The following SACS variants were observed in gnomAD, a reference collection of about 807,000 sequenced individuals.
The protein encoded by SACS is sacsin.
In SACS, 197 loss-of-function variants were observed where a neutral mutation model predicts 348.0. That is an observed-to-expected ratio of 0.57 (90% CI 0.50 to 0.64). The LOEUF (loss-of-function observed/expected upper bound fraction) is 0.64. Among genes scored for constraint, SACS ranks in the 30% least tolerant of loss-of-function variants. The pLI is 0.00. For missense variants in SACS, 4,999 were observed against 5,360.8 expected (o/e 0.93, Z 2.11); for synonymous variants, 1,985 against 1,910.6 (o/e 1.04, Z -1.02).
chr13:23,369,026 A>T (rs1871230948), intron 4 of SACS, among the ~76,000 whole-genome samples: 1 of 152,184 alleles, frequency 6.6e-6, no homozygotes, highest in Non-Finnish European at 1.5e-5. Context: ...ACTACAAATA[A>T]AGTCTCAAAA....
chr13:23,359,184 A>AAAAAAAG (rs1311000857), intron 6 of SACS, among the ~76,000 whole-genome samples: 1 of 152,218 alleles, frequency 6.6e-6, no homozygotes, highest in African/African-American at 2.4e-5. Context: ...TCCGTCTCAA[A>AAAAAAAG]AAAAAAGAAA....
rs140389098 is a variant in SACS, at chr13:23,401,763, G to A, written c.20+9457C>T. ...CCAGAAGCATCTGCAATCACAGGCC[G>A]AAGTGCTTGTCCTCACCAAAAAGGG... On this transcript the variant is annotated intron_variant, in intron 2 of 9. Transcript: ENST00000382292. Among the ~76,000 whole-genome samples the A allele has an allele frequency of 7.2e-5, 11 of 152,268 alleles. No individual in the cohort carries two copies. The East Asian group carries it at 1.5e-3, about 21-fold the overall frequency.
At chr13:23,392,529 A>T (rs760847676) in intron 2 of SACS, among the ~76,000 whole-genome samples, 3 of 152,212 alleles carry the variant, frequency 2.0e-5, no homozygotes, top group Non-Finnish European at 2.9e-5. Flanking sequence ...TCATAACAAC[A>T]ATGGTTGCCT....
At position 23,334,505 on chromosome 13, in the gene SACS, G is replaced by A. The variant is rs755645765; in HGVS notation, c.9371C>T (p.Thr3124Ile). 2 of 1,613,270 alleles carry A rather than the reference G, an allele frequency of 1.2e-6. No individual in the cohort carries two copies. The highest frequency in any genetic ancestry group is 1.7e-6 in the Non-Finnish European group (2 of 1,179,738). The change falls in exon 10 of 10, where the codon ACT (threonine) becomes ATT (isoleucine). Residue 3124 changes from threonine (T) to isoleucine (I), a missense_variant. This residue lies in a region of SACS where 734 missense variants were observed against 694.0 expected (regional missense o/e 1.06). Transcript: ENST00000382292. ...IGKLPCRLQQTNLKLFHSLKL... is the reference protein window; with the variant it reads ...IGKLPCRLQQINLKLFHSLKL... ...TAAACTATGAAAAAGTTTTAGATTAGTCTGCTGCAGACGACAAGGCAGCTT... is the reference window on the plus strand; with the variant it reads ...TAAACTATGAAAAAGTTTTAGATTAATCTGCTGCAGACGACAAGGCAGCTT...
intron 4 of SACS, among the ~76,000 whole-genome samples, chr13:23,370,083 C>T (rs961425447): frequency 2.6e-5 from 4 of 152,094 alleles, no homozygotes; most frequent in Non-Finnish European, 4.4e-5. Context: ...TGGTCTTGAT[C>T]TCCTGACCTC....
rs1883428700 is a variant in SACS, at chr13:23,330,958, G to C, written c.12918C>G (p.Ile4306Met). Residue 4306 changes from isoleucine to methionine, a missense_variant, in exon 10 of 10, where the codon ATC (isoleucine) becomes ATG (methionine). By Grantham distance (10) the Ile-to-Met change is conservative. This residue lies in a region of SACS where 831 missense variants were observed against 941.8 expected (regional missense o/e 0.88). Transcript: ENST00000382292. Reference sequence around the variant, plus strand: ...CCACCACAGATGTCACTTCTTTTAAGATTTCTGGTAAAGAATTAACCTTAA... The same window carrying C: ...CCACCACAGATGTCACTTCTTTTAACATTTCTGGTAAAGAATTAACCTTAA... ...KKLKVNSLPE[I>M]LKEVTSVVEQ... 2.5e-6 allele frequency: 4 copies of C among 1,614,092 alleles called. No homozygotes were observed. Among genetic ancestry groups the C allele is most frequent in the Non-Finnish European group, 3.4e-6 (4 of 1,179,984 alleles).
At chr13:23,342,121 T>C (rs548601279) in intron 9 of SACS, among the ~76,000 whole-genome samples, 1 of 152,254 alleles carries the variant, frequency 6.6e-6, no homozygotes, top group South Asian at 2.1e-4. Flanking sequence ...TGGAAGTACA[T>C]GTAAAAATTC....
intron 2 of SACS, among the ~76,000 whole-genome samples, chr13:23,379,785 C>T (rs9578586): frequency 0.53 from 80,421 of 151,836 alleles, 21,914 homozygotes; most frequent in African/African-American, 0.65. Flanking sequence ...AAGTGAGAGT[C>T]CTAAAGTCAA....
chr13:23,369,515 ACT>A (rs954058655), intron 4 of SACS, among the ~76,000 whole-genome samples: 1 of 150,972 alleles, frequency 6.6e-6, no homozygotes, highest in Non-Finnish European at 1.5e-5. Context: ...CTCAAACAAG[ACT>A]CTGTTTCCAC....
intron 2 of SACS, among the ~76,000 whole-genome samples, chr13:23,405,681 T>G (rs1353075631): frequency 5.9e-5 from 9 of 151,714 alleles, no homozygotes; most frequent in African/African-American, 2.2e-4. Flanking sequence ...TACAAGGAAC[T>G]TAAACAAATC....
chr13:23,426,435 G>T (rs1045302614), intron 1 of SACS, among the ~76,000 whole-genome samples: 2 of 152,158 alleles, frequency 1.3e-5, no homozygotes, highest in Admixed American at 1.3e-4. Flanking sequence ...GAGGTCAGGA[G>T]TTCAAGACCA....
rs768018553 is a variant in SACS at position 23,354,883 on chromosome 13, A to G, written c.1729T>C (p.Phe577Leu). ...TCTAAATTTTCATCAAGTTCTGAGAAGTACACCTGCTCCAACCTGACCCAG... is the reference window on the plus strand; with the variant it reads ...TCTAAATTTTCATCAAGTTCTGAGAGGTACACCTGCTCCAACCTGACCCAG... ...CDWVRLEQVY[F>L]SELDENLEYT... Residue 577 changes from phenylalanine to leucine, a missense_variant, in exon 8 of 10, where the codon TTC becomes CTC. Physicochemically the swap from Phe to Leu is conservative, Grantham distance 22. This residue lies in a region of SACS where 3,156 missense variants were observed against 3,380.1 expected (regional missense o/e 0.93). Coordinates refer to ENST00000382292, the MANE Select transcript of SACS (RefSeq NM_014363.6). The G allele has an allele frequency of 6.2e-7, 1 of 1,614,190 alleles. No homozygotes were observed. Among genetic ancestry groups the G allele is most frequent in the East Asian group, 2.2e-5 (1 of 44,884 alleles).
At chr13:23,387,197 C>G (rs1000492137) in intron 2 of SACS, among the ~76,000 whole-genome samples, 2 of 151,950 alleles carry the variant, frequency 1.3e-5, no homozygotes, top group African/African-American at 4.8e-5. Flanking sequence ...CGGTGGCTCA[C>G]GCCTGTAATC....
chr13:23,334,528 C>G lies in SACS; in HGVS notation c.9348G>C (p.Lys3116Asn). 1.2e-6 allele frequency: 2 copies of G among 1,613,434 alleles called. No individual in the cohort carries two copies. Among genetic ancestry groups the G allele is most frequent in the Non-Finnish European group, 1.7e-6 (2 of 1,179,744 alleles). ...SSPDTNCHIG[K>N]LPCRLQQTNL... ...TAGTCTGCTGCAGACGACAAGGCAG[C>G]TTCCCAATATGGCAATTAGTGTCAG... The change falls in exon 10 of 10, where the codon AAG (lysine) becomes AAC (asparagine). Residue 3116 changes from lysine (K) to asparagine (N), a missense_variant. By Grantham distance (94) the Lys-to-Asn change is moderately conservative. This residue lies in a region of SACS where 734 missense variants were observed against 694.0 expected (regional missense o/e 1.06). Coordinates refer to ENST00000382292, the MANE Select transcript of SACS (RefSeq NM_014363.6).
chr13:23,424,393 C>T (rs766686114), intron 1 of SACS, among the ~76,000 whole-genome samples: 8 of 152,184 alleles, frequency 5.3e-5, no homozygotes, highest in African/African-American at 1.4e-4. Context: ...GGCATGGTGG[C>T]GCATGCCTGT....
chr13:23,332,086 A>C lies in SACS; in HGVS notation c.11790T>G (p.Tyr3930Ter). Residue 3930 changes from tyrosine (Y) to a stop codon, truncating the protein, a stop_gained, in exon 10 of 10, where the codon TAT becomes TAG. Transcript: ENST00000382292. LOFTEE classifies it high-confidence loss of function. ...CAATATTCCCCTGGATTCTACTTTT[A>C]TAATGTGGCGCATCGTCAAACACTA... ...SILVFDDAPH[Y>*]KSRIQGNIGV... The C allele has an allele frequency of 6.2e-7, 1 of 1,614,054 alleles. No homozygotes were observed. The highest frequency in any genetic ancestry group is 8.5e-7 in the Non-Finnish European group (1 of 1,179,960).
rs764521454 is a variant in SACS at position 23,355,348 on chromosome 13, T to G, written c.1264A>C (p.Ile422Leu). 1 of 1,614,118 alleles carries G rather than the reference T, an allele frequency of 6.2e-7. No individual in the cohort carries two copies. The highest frequency in any genetic ancestry group is 1.7e-5 in the Admixed American group (1 of 60,010). ...TCTCTGCTTGATAAAGGCATGGCTATTCCAATGATTGGGACAAATTTCAGT... is the reference window on the plus strand; with the variant it reads ...TCTCTGCTTGATAAAGGCATGGCTAGTCCAATGATTGGGACAAATTTCAGT... ...DELKFVPIIGIAMPLSSRDDE... is the reference protein window; with the variant it reads ...DELKFVPIIGLAMPLSSRDDE... The change falls in exon 8 of 10, where the codon ATA becomes CTA. Residue 422 changes from isoleucine (I) to leucine (L), a missense_variant. Physicochemically the swap from Ile to Leu is conservative, Grantham distance 5 (BLOSUM62 2). This residue lies in a region of SACS where 3,156 missense variants were observed against 3,380.1 expected (regional missense o/e 0.93). Coordinates refer to ENST00000382292, the MANE Select transcript of SACS (RefSeq NM_014363.6).
In SACS at chr13:23,332,721, G is replaced by A; in HGVS notation, c.11155C>T (p.Gln3719Ter). The A allele has an allele frequency of 6.2e-7, 1 of 1,613,984 alleles. No individual in the cohort carries two copies. ...EKATPLSIKE[Q>*]EGSDLGPQEQ... ...TGTGGACCAAGGTCACTACCTTCTT[G>A]TTCTTTAATGCTTAAGGGTGTAGCT... is the stretch of plus-strand genomic sequence containing the variant. The change falls in exon 10 of 10, where the codon CAA (glutamine) becomes TAA (stop). Residue 3719 changes from glutamine to a stop codon, truncating the protein, a stop_gained. Coordinates refer to ENST00000382292, the MANE Select transcript of SACS (RefSeq NM_014363.6). LOFTEE classifies it high-confidence loss of function.
chr13:23,368,563 G>T, intron 4 of SACS, 76 bp from the exon 5 acceptor site: 2 of 993,934 alleles, frequency 2.0e-6, no homozygotes, highest in South Asian at 1.4e-5. Context: ...ACTTGAATCT[G>T]AGACATCATA....
Sources: gnomAD v4.1 joint callset for allele counts (sites outside exome capture counted in the v4.1 genomes callset) on GRCh38, gnomAD v4.1.1 for gene constraint, gnomAD v4.1.1 regional missense constraint, MANE v1.5 for transcripts, NCBI Gene and HGNC (gene_info 2026-07-23, HGNC 2026-07-21) for gene names.